The following PCYT1A variants were observed in gnomAD, a reference collection of about 807,000 sequenced individuals.
The protein encoded by PCYT1A is phosphate cytidylyltransferase 1A, choline.
PCYT1A carries 25 observed loss-of-function variants against 43.7 expected under a neutral mutation model. That is an observed-to-expected ratio of 0.57 (90% CI 0.42 to 0.80). The LOEUF (loss-of-function observed/expected upper bound fraction) is 0.80, where lower values mean the gene tolerates loss of function less well. PCYT1A is among the 30% of genes least tolerant of loss of function. The probability of loss-of-function intolerance (pLI) is 0.00; values close to 1 mark genes in which losing one functional copy is unlikely to be tolerated. For synonymous variants in PCYT1A, 172 were observed against 170.7 expected (o/e 1.01, Z -0.06); for missense variants, 421 against 474.2 (o/e 0.89, Z 1.04).
intron 3 of PCYT1A, 35 bp downstream of exon 3, chr3:196,257,750 CAAT>C (rs760695255): frequency 1.3e-5 from 16 of 1,260,478 alleles, no homozygotes; most frequent in Non-Finnish European, 1.9e-5. Flanking sequence ...ATGCTAAAAA[CAAT>C]AGTCAAACAA....
At chr3:196,278,673 C>G (rs1192250237) in intron 1 of PCYT1A, among the ~76,000 whole-genome samples, 1 of 152,146 alleles carries the variant, frequency 6.6e-6, no homozygotes, top group African/African-American at 2.4e-5. Flanking sequence ...CTCCAGAACA[C>G]TTTCTTTGTC....
At chr3:196,259,911 CTTTTTTTTTTTTTT>C (rs779918737) in intron 2 of PCYT1A, among the ~76,000 whole-genome samples, 23 of 48,964 alleles carry the variant, frequency 4.7e-4, no homozygotes, top group African/African-American at 1.7e-3. Flanking sequence ...TGGAAACATT[CTTTTTTTTTTTTTT>C]TTTTTTTTTT....
At chr3:196,283,973 C>G (rs1430968658) in intron 1 of PCYT1A, among the ~76,000 whole-genome samples, 2 of 152,206 alleles carry the variant, frequency 1.3e-5, no homozygotes, top group East Asian at 3.8e-4. Context: ...TTTAGGGTTT[C>G]TCCAACTGGA....
At chr3:196,248,126 C>T (rs1251587273) in intron 4 of PCYT1A, 81 bp downstream of exon 4, 1 of 799,210 alleles carries the variant, frequency 1.3e-6, no homozygotes, top group South Asian at 1.4e-5. Flanking sequence ...GAAACAAGAG[C>T]CAGTGTACTC....
chr3:196,242,673 A>G lies in PCYT1A; in HGVS notation c.487-33T>C. The stretch of plus-strand genomic sequence containing the variant: ...TAAGGAAACATCATTAAAACCCATG[A>G]TAACTGCCATTCAGAAAGACCCAGT... On this transcript the variant is annotated intron_variant, in intron 5 of 8. Coordinates refer to ENST00000431016, the MANE Select transcript of PCYT1A (RefSeq NM_001312673.2). The surrounding 1 kb of genome is among the most constrained non-coding windows in gnomAD (Gnocchi z 4.2). 2 of 1,392,350 alleles carry G rather than the reference A, an allele frequency of 1.4e-6. No individual in the cohort carries two copies. Among genetic ancestry groups the G allele is most frequent in the Non-Finnish European group, 2.0e-6 (2 of 977,838 alleles). The allele number at this position is 1,392,350 out of a possible 1,614,324, so 86.2% of individuals were successfully genotyped here. A position where few individuals can be genotyped will look rare whatever the true frequency, so the allele number is the denominator to read the frequency against.
At chr3:196,265,735 T>C (rs1725247087) in intron 2 of PCYT1A, among the ~76,000 whole-genome samples, 1 of 151,496 alleles carries the variant, frequency 6.6e-6, no homozygotes, top group East Asian at 2.0e-4. Flanking sequence ...CAAGTCCCCC[T>C]ACCCTTTTTT....
rs1054353814 is a variant in PCYT1A, at chr3:196,234,515, T to G, written c.*4173A>C. 7 of 152,160 alleles carry G rather than the reference T, an allele frequency of 4.6e-5. No homozygotes were observed. Among genetic ancestry groups the G allele is most frequent in the African/African-American group, 1.7e-4 (7 of 41,438 alleles). 9.4% of individuals were successfully genotyped at this position (152,160 alleles called of 1,614,324 possible). ...CTCACACTGGTGATGGGGCGAACGT[T>G]CAAGACGAAGCCAGCAGTCCTTTCC... On this transcript the variant is annotated 3_prime_UTR_variant, in exon 9 of 9. Coordinates refer to ENST00000431016, the MANE Select transcript of PCYT1A (RefSeq NM_001312673.2).
rs1188285326 is a variant in PCYT1A, at chr3:196,242,905, C to G, written c.487-265G>C. The G allele has an allele frequency of 4.2e-6, 2 of 476,014 alleles. No individual in the cohort carries two copies. The highest frequency in any genetic ancestry group is 3.9e-5 in the African/African-American group (2 of 51,156). 29.5% of individuals were successfully genotyped at this position (476,014 alleles called of 1,614,324 possible). On this transcript the variant is annotated intron_variant, in intron 5 of 8. Coordinates refer to ENST00000431016, the MANE Select transcript of PCYT1A (RefSeq NM_001312673.2). This position sits in a 1 kb window ranked among gnomAD's most constrained non-coding sequence, Gnocchi z 4.2. ...AGAACTGTTACCCTCACTCTGTATACCAGTCATCTTGCTGTGGTCAATAGG... is the reference window on the plus strand; with the variant it reads ...AGAACTGTTACCCTCACTCTGTATAGCAGTCATCTTGCTGTGGTCAATAGG...
Position 196,247,810 on chromosome 3 carries a change from ATTAAGTCC to A in PCYT1A, c.335-300_335-293del. On this transcript the variant is annotated intron_variant, in intron 4 of 8. Transcript: ENST00000431016. This position sits in a 1 kb window ranked among gnomAD's most constrained non-coding sequence, Gnocchi z 4.8. ...AAACCTGCTGTGCGTGTCTGCATCA[ATTAAGTCC>A]TTAAACATGTTTTCCTGTTTTATTC... The A allele has an allele frequency of 1.8e-6, 1 of 562,460 alleles. No homozygotes were observed. The highest frequency in any genetic ancestry group is 1.8e-5 in the South Asian group (1 of 54,238). The allele number at this position is 562,460 out of a possible 1,614,324, so 34.8% of individuals were successfully genotyped here. A position where few individuals can be genotyped will look rare whatever the true frequency, so the allele number is the denominator to read the frequency against.
chr3:196,267,817 T>C (rs963291032), intron 2 of PCYT1A, among the ~76,000 whole-genome samples: 4 of 152,202 alleles, frequency 2.6e-5, no homozygotes, highest in Admixed American at 2.0e-4. Context: ...AAATGATATG[T>C]CAATTATAAC....
chr3:196,274,771 C>G (rs1257241091), intron 1 of PCYT1A, among the ~76,000 whole-genome samples: 1 of 152,154 alleles, frequency 6.6e-6, no homozygotes, highest in Non-Finnish European at 1.5e-5. Context: ...AGAAACTGGC[C>G]TAATTCTTAG....
chr3:196,238,948 T>C, intron 8 of PCYT1A, 54 bp from the exon 9 acceptor site: 5 of 1,114,766 alleles, frequency 4.5e-6, no homozygotes, highest in Non-Finnish European at 6.1e-6. Context: ...TACTTAATCA[T>C]CACTGAAGCA....
chr3:196,276,802 G>T (rs1054548346), intron 1 of PCYT1A, among the ~76,000 whole-genome samples: 6 of 152,114 alleles, frequency 3.9e-5, no homozygotes, highest in African/African-American at 1.4e-4. Context: ...CAGGTGTAGT[G>T]GCACATGCCT....
Position 196,268,987 on chromosome 3 carries a change from G to A in PCYT1A, c.117+1428C>T, listed in dbSNP as rs984553497. ...TGGCAGAAGCAATCGTCAGAGTGAT[G>A]TGAGCACTGGCTGGTGCCAAGCACT... is the stretch of plus-strand genomic sequence containing the variant. On this transcript the variant is annotated intron_variant, in intron 2 of 8. Transcript: ENST00000431016. This position sits in a 1 kb window ranked among gnomAD's most constrained non-coding sequence, Gnocchi z 4.4. Among the ~76,000 whole-genome samples, 1 of 152,146 alleles carries A rather than the reference G, an allele frequency of 6.6e-6. No homozygotes were observed. Among genetic ancestry groups the A allele is most frequent in the Non-Finnish European group, 1.5e-5 (1 of 68,022 alleles).
At chr3:196,256,447 G>C (rs914066982) in intron 3 of PCYT1A, among the ~76,000 whole-genome samples, 5 of 152,036 alleles carry the variant, frequency 3.3e-5, no homozygotes, top group African/African-American at 9.7e-5. Context: ...CCAAGATTGT[G>C]CCACTGCATG....
At chr3:196,240,505 C>G (rs1163395333) in intron 7 of PCYT1A, 3 of 152,158 alleles carry the variant, frequency 2.0e-5, no homozygotes, top group Non-Finnish European at 4.4e-5. Flanking sequence ...GACAACATAG[C>G]AAGACCTCAT....
chr3:196,258,720 T>C (rs559480995), intron 2 of PCYT1A, among the ~76,000 whole-genome samples: 34 of 152,098 alleles, frequency 2.2e-4, no homozygotes, highest in African/African-American at 8.2e-4. Flanking sequence ...CCCGAGTAGC[T>C]GGGACTACAG....
At chr3:196,285,320 A>G (rs568513104) in intron 1 of PCYT1A, among the ~76,000 whole-genome samples, 11 of 152,182 alleles carry the variant, frequency 7.2e-5, no homozygotes, top group South Asian at 6.2e-4. Context: ...TTAGCCAGGC[A>G]TGGTGGCACA....
In PCYT1A at chr3:196,282,278, C is replaced by A. The variant is rs1268849931; in HGVS notation, c.-11+5337G>T. Among the ~76,000 whole-genome samples the A allele has an allele frequency of 6.6e-6, 1 of 152,184 alleles. No individual in the cohort carries two copies. The highest frequency in any genetic ancestry group is 2.4e-5 in the African/African-American group (1 of 41,438). ...GTAGAATATTTCAGGAAAGAAAAAA[C>A]CATGAGGGACACATGTAATAGTTCT... On this transcript the variant is annotated intron_variant, in intron 1 of 8. Coordinates refer to ENST00000431016, the MANE Select transcript of PCYT1A (RefSeq NM_001312673.2). The surrounding 1 kb of genome is among the most constrained non-coding windows in gnomAD (Gnocchi z 4.3).
Sources: allele counts gnomAD v4.1 joint callset (sites outside exome capture counted in the v4.1 genomes callset), GRCh38; gene constraint gnomAD v4.1.1; non-coding constraint Gnocchi (gnomAD v3.1); transcripts MANE v1.5; gene names NCBI Gene and HGNC (gene_info 2026-07-23, HGNC 2026-07-21).